ZNF423: variants seen among roughly 807,000 people sequenced by gnomAD.
ZNF423 encodes the protein zinc finger protein 423.
In ZNF423, 12 loss-of-function variants were observed where a neutral mutation model predicts 95.8. That is an observed-to-expected ratio of 0.13 (90% CI 0.08 to 0.20). The LOEUF is 0.20. ZNF423 is among the 10% of genes least tolerant of loss of function. The pLI is 1.00. For missense variants in ZNF423, 1,316 were observed against 1,737.1 expected (o/e 0.76, Z 4.31); for synonymous variants, 749 against 711.9 (o/e 1.05, Z -0.83).
chr16:49,699,890 AGAGG>A (rs1394335280), intron 3 of ZNF423, among the ~76,000 whole-genome samples: 1 of 152,164 alleles, frequency 6.6e-6, no homozygotes, highest in Non-Finnish European at 1.5e-5. Flanking sequence ...AAAGTCTCCA[AGAGG>A]GAGGAGGACA....
intron 5 of ZNF423, among the ~76,000 whole-genome samples, chr16:49,545,259 T>C (rs575476813): frequency 2.0e-5 from 3 of 152,186 alleles, no homozygotes; most frequent in Non-Finnish European, 4.4e-5. Context: ...AAGTATCAAG[T>C]TGAAAAGATA....
chr16:49,592,528 T>C (rs1168431799), intron 5 of ZNF423, among the ~76,000 whole-genome samples: 2 of 152,224 alleles, frequency 1.3e-5, no homozygotes, highest in African/African-American at 4.8e-5. Context: ...ACAGAATTCT[T>C]TTGCAGAAGT....
chr16:49,673,344 G>A (rs1242769922), intron 3 of ZNF423, among the ~76,000 whole-genome samples: 1 of 152,204 alleles, frequency 6.6e-6, no homozygotes, highest in African/African-American at 2.4e-5. Context: ...GGGAAAGATT[G>A]TTGCATAGGC....
intron 3 of ZNF423, among the ~76,000 whole-genome samples, chr16:49,662,083 C>T (rs1421557797): frequency 6.6e-6 from 1 of 152,154 alleles, no homozygotes; most frequent in Non-Finnish European, 1.5e-5. Context: ...CACTGTGAGA[C>T]CCCCGCCCTT....
chr16:49,577,990 A>G (rs1970552301), intron 5 of ZNF423, among the ~76,000 whole-genome samples: 1 of 152,242 alleles, frequency 6.6e-6, no homozygotes, highest in East Asian at 1.9e-4. Flanking sequence ...CAGGTGGAAG[A>G]AGGCGGCAGG....
intron 5 of ZNF423, among the ~76,000 whole-genome samples, chr16:49,577,265 G>T (rs1970529216): frequency 1.3e-5 from 2 of 152,214 alleles, no homozygotes; most frequent in South Asian, 4.1e-4. Context: ...TGTACTCATT[G>T]CTACTCCATG....
chr16:49,758,829 G>A (rs1016264709), intron 2 of ZNF423, among the ~76,000 whole-genome samples: 1 of 152,156 alleles, frequency 6.6e-6, no homozygotes, highest in Non-Finnish European at 1.5e-5. Flanking sequence ...AGTGGCAAGG[G>A]GTACACACGT....
intron 3 of ZNF423, among the ~76,000 whole-genome samples, chr16:49,698,003 G>A (rs2032037730): frequency 6.6e-6 from 1 of 152,074 alleles, no homozygotes; most frequent in African/African-American, 2.4e-5. Flanking sequence ...GCATCTGGGG[G>A]TGCGTGTGTG....
At chr16:49,684,147 T>C (rs973936537) in intron 3 of ZNF423, among the ~76,000 whole-genome samples, 3 of 152,114 alleles carry the variant, frequency 2.0e-5, no homozygotes, top group African/African-American at 7.2e-5. Flanking sequence ...GTGAACTCCC[T>C]GGGCAAAAAA....
chr16:49,607,182 C>T (rs1238981327), intron 5 of ZNF423, among the ~76,000 whole-genome samples: 1 of 151,576 alleles, frequency 6.6e-6, no homozygotes, highest in African/African-American at 2.4e-5. Context: ...GGAAGCAGGC[C>T]TTATGATAAA....
rs545977248 is a variant in ZNF423 at position 49,855,511 on chromosome 16, TCCGCCGCCGCCG to T, written c.40+212_40+223del. 7.0e-6 allele frequency among the ~76,000 whole-genome samples: 1 copy of T among 143,842 alleles called. No individual in the cohort carries two copies. The highest frequency in any genetic ancestry group is 6.8e-5 in the Admixed American group (1 of 14,774). 94.4% of individuals were successfully genotyped at this position (143,842 alleles called of 152,430 possible). On this transcript the variant is annotated intron_variant, in intron 1 of 7. Transcript: ENST00000563137. The surrounding 1 kb of genome is among the most constrained non-coding windows in gnomAD (Gnocchi z 4.7). ...GGGAGGGTGTCCGCGGCGTACCCCC[TCCGCCGCCGCCG>T]CCGCCGCCGCCGCCTCCGCCTCCTG... is the stretch of plus-strand genomic sequence containing the variant.
intron 1 of ZNF423, among the ~76,000 whole-genome samples, chr16:49,791,579 C>A (rs1364873546): frequency 6.6e-6 from 1 of 152,140 alleles, no homozygotes; most frequent in East Asian, 1.9e-4. Flanking sequence ...TCCACAAGGT[C>A]TCCATGGGTC....
rs1295982401 is a variant in ZNF423 at position 49,626,255 on chromosome 16, C to T, written c.3517-1G>A. ...ACTTGATGCACTGGTATGTCTTTTT[C>T]TGTTTGGAAACCAAAAATAAAAGAT... On this transcript the variant is annotated splice_acceptor_variant, in intron 4 of 7. Transcript: ENST00000563137. LOFTEE classifies it high-confidence loss of function. 1 of 1,613,710 alleles carries T rather than the reference C, an allele frequency of 6.2e-7. No homozygotes were observed. Among genetic ancestry groups the T allele is most frequent in the Non-Finnish European group, 8.5e-7 (1 of 1,179,746 alleles).
chr16:49,749,490 G>T (rs1240703167), intron 2 of ZNF423, among the ~76,000 whole-genome samples: 1 of 152,208 alleles, frequency 6.6e-6, no homozygotes, highest in Admixed American at 6.5e-5. Flanking sequence ...AAAGTATAAA[G>T]AAAAATAGTA....
chr16:49,736,316 G>A (rs909061869), intron 2 of ZNF423, among the ~76,000 whole-genome samples: 4 of 152,030 alleles, frequency 2.6e-5, no homozygotes, highest in African/African-American at 4.8e-5. Context: ...CACATATGAC[G>A]AGGTTGCCCT....
intron 5 of ZNF423, among the ~76,000 whole-genome samples, chr16:49,571,969 A>C (rs1970368386): frequency 6.6e-6 from 1 of 152,246 alleles, no homozygotes; most frequent in African/African-American, 2.4e-5. Flanking sequence ...CCATCCAAAA[A>C]ATACTGATTG....
chr16:49,836,146 C>T (rs1396806041), intron 1 of ZNF423, among the ~76,000 whole-genome samples: 1 of 152,228 alleles, frequency 6.6e-6, no homozygotes, highest in Non-Finnish European at 1.5e-5. Flanking sequence ...GCAGCAAACA[C>T]CTCCAACTTC....
chr16:49,677,338 G>A (rs2031145304), intron 3 of ZNF423, among the ~76,000 whole-genome samples: 1 of 43,350 alleles, frequency 2.3e-5, no homozygotes, highest in Non-Finnish European at 4.7e-5. Flanking sequence ...GAGGGGAGGG[G>A]AGGGGAGGAG....
intron 5 of ZNF423, among the ~76,000 whole-genome samples, chr16:49,560,525 G>A (rs1023474559): frequency 5.9e-5 from 9 of 152,114 alleles, no homozygotes; most frequent in South Asian, 2.1e-4. Context: ...AGGTTTCCCC[G>A]CAAAATCAAA....
Sources: gnomAD v4.1 joint callset for allele counts (sites outside exome capture counted in the v4.1 genomes callset) on GRCh38, gnomAD v4.1.1 for gene constraint, Gnocchi (gnomAD v3.1) non-coding constraint, MANE v1.5 for transcripts, NCBI Gene and HGNC (gene_info 2026-07-23, HGNC 2026-07-21) for gene names.